The following CRYAB variants were observed in gnomAD, a reference collection of about 807,000 sequenced individuals.
CRYAB encodes the protein crystallin alpha B.
A neutral mutation model predicts 12.7 loss-of-function variants in CRYAB; 9 were observed. The observed-to-expected ratio is 0.71, with a 90% CI of 0.43 to 1.24. The LOEUF (loss-of-function observed/expected upper bound fraction) is 1.24. Among genes scored for constraint, CRYAB ranks in the 50% most tolerant of loss-of-function variants. CRYAB has a pLI of 0.00. For missense variants in CRYAB, 183 were observed against 226.6 expected (o/e 0.81, Z 1.24); for synonymous variants, 93 against 86.8 (o/e 1.07, Z -0.40).
Position 111,911,513 on chromosome 11 carries a change from G to C in CRYAB, c.201+11C>G. On this transcript the variant is annotated intron_variant, in intron 1 of 2. Transcript: ENST00000650687. ...TAAGGACTCTCCCGTCCTAGCTGTG[G>C]GGAGACTCACCTCTGAGAGTCCAGT... 6.2e-7 allele frequency: 1 copy of C among 1,604,792 alleles called. No individual in the cohort carries two copies. Among genetic ancestry groups the C allele is most frequent in the Non-Finnish European group, 8.5e-7 (1 of 1,176,216 alleles).
intron 1 of CRYAB, among the ~76,000 whole-genome samples, chr11:111,920,860 A>G (rs73560036): frequency 0.036 from 5,532 of 152,342 alleles, 336 homozygotes; most frequent in African/African-American, 0.13. Context: ...CTATGTGACC[A>G]TAGGTAATAA....
intron 2 of CRYAB, 53 bp from the exon 3 acceptor site, chr11:111,909,020 T>A (rs551393661): frequency 1.3e-6 from 2 of 1,588,158 alleles, no homozygotes; most frequent in East Asian, 2.2e-5. Flanking sequence ...GGAACTATTA[T>A]CACCTGCCCA....
In CRYAB at chr11:111,910,183, C is replaced by T. The variant is rs782101665; in HGVS notation, c.324+144G>A. The T allele has an allele frequency of 5.1e-6, 5 of 975,546 alleles. No individual in the cohort carries two copies. In the South Asian group the frequency reaches 5.3e-5, roughly 10 times the overall value. The allele number at this position is 975,546 out of a possible 1,614,324, so 60.4% of individuals were successfully genotyped here. On this transcript the variant is annotated intron_variant, in intron 2 of 2. Transcript: ENST00000650687. ...AATATGTCTATCCTAACTTAGTCTT[C>T]TAGACATTGATTTGTAACCCCTGAT...
intron 1 of CRYAB, among the ~76,000 whole-genome samples, chr11:111,921,917 T>C (rs1965706529): frequency 6.6e-6 from 1 of 152,162 alleles, no homozygotes; most frequent in Non-Finnish European, 1.5e-5. Flanking sequence ...GCTGCAACCT[T>C]AGCCTCCCAG....
At chr11:111,912,954 C>A, upstream of CRYAB, 9 of 1,465,550 alleles carry the variant, frequency 6.1e-6, no homozygotes, top group Non-Finnish European at 8.3e-6. Flanking sequence ...CCTTGCCCCC[C>A]ACCCCCACCC....
At position 111,908,852 on chromosome 11, in the gene CRYAB, C is replaced by G. The variant is rs782799100; in HGVS notation, c.440G>C (p.Gly147Ala). ...AGGGCCAGAGACCTGTTTCCTTGGT[C>G]CATTCACAGTGAGGACCCCATCAGA... ...LSSDGVLTVN[G>A]PRKQVSGPER... is the part of the protein sequence containing the mutation. The change falls in exon 3 of 3, where the codon GGA (glycine) becomes GCA (alanine). Residue 147 changes from glycine (G) to alanine (A), a missense_variant. This residue lies in a region of CRYAB where 95 missense variants were observed against 112.5 expected (regional missense o/e 0.84). Coordinates refer to ENST00000650687, the MANE Select transcript of CRYAB (RefSeq NM_001289808.2). 2 of 1,614,006 alleles carry G rather than the reference C, an allele frequency of 1.2e-6. No homozygotes were observed. The highest frequency in any genetic ancestry group is 2.2e-5 in the East Asian group (1 of 44,876).
At chr11:111,913,190 G>A (rs1329748422), upstream of CRYAB, 9 of 603,428 alleles carry the variant, frequency 1.5e-5, no homozygotes, top group East Asian at 2.5e-4. Flanking sequence ...TATCCACCCA[G>A]GCCGTTTGGT....
chr11:111,912,676 G>GCCCCCCCCCCCCCCCCCC, upstream of CRYAB: 1 of 460,736 alleles, frequency 2.2e-6, no homozygotes, highest in Non-Finnish European at 3.9e-6. Flanking sequence ...CCCACTCCCA[G>GCCCCCCCCCCCCCCCCCC]CCCCTCCCCC....
At chr11:111,923,172 G>A (rs587753372) in intron 1 of CRYAB, among the ~76,000 whole-genome samples, 73 of 152,328 alleles carry the variant, frequency 4.8e-4, no homozygotes, top group African/African-American at 1.5e-3. Flanking sequence ...GGATAAGGCT[G>A]ACTGAGCAGC....
chr11:111,910,634 C>T lies in CRYAB; in HGVS notation c.202-185G>A, dbSNP rs117627181. The T allele has an allele frequency of 7.3e-3, 5,389 of 735,986 alleles. 23 individuals carry two copies. The highest frequency in any genetic ancestry group is 0.023 in the Middle Eastern group (61 of 2,642). 45.6% of individuals were successfully genotyped at this position (735,986 alleles called of 1,614,324 possible). On this transcript the variant is annotated intron_variant, in intron 1 of 2. Coordinates refer to ENST00000650687, the MANE Select transcript of CRYAB (RefSeq NM_001289808.2). ...CTTCAGGGAGCCACCACAGTGATAC[C>T]TAAGGCTCATGGTGATCAGACCCAA...
Position 111,918,769 on chromosome 11 carries a change from C to T in CRYAB, c.-199+4934G>A, listed in dbSNP as rs114095021. ...GTTGAGATAGCTCTCACCTGGAGCC[C>T]GTGTGTTGTTCTACCCTTTGGCTGG... On this transcript the variant is annotated intron_variant, in intron 1 of 3. Coordinates refer to the CRYAB transcript ENST00000527950. 2,640 of 688,496 alleles carry T rather than the reference C, an allele frequency of 3.8e-3. 48 individuals carry two copies. The highest frequency in any genetic ancestry group is 0.038 in the African/African-American group (2,172 of 56,894). The allele number at this position is 688,496 out of a possible 1,614,324, so 42.6% of individuals were successfully genotyped here. A position where few individuals can be genotyped will look rare whatever the true frequency, so the allele number is the denominator to read the frequency against.
At chr11:111,914,014 A>C, upstream of CRYAB, 1 of 899,044 alleles carries the variant, frequency 1.1e-6, no homozygotes, top group Non-Finnish European at 1.7e-6. Flanking sequence ...ATGGTCCACA[A>C]TGTATGGTTT....
chr11:111,918,801 A>G, intron 1 of CRYAB: 1 of 727,618 alleles, frequency 1.4e-6, no homozygotes, highest in Admixed American at 2.0e-5. Context: ...CTGGGAACAC[A>G]GTCACCTGGG....
intron 1 of CRYAB, 70 bp downstream of exon 1, chr11:111,911,454 G>GA: frequency 6.6e-7 from 1 of 1,507,962 alleles, no homozygotes; most frequent in African/African-American, 1.4e-5. Context: ...GGTAGGAAAG[G>GA]AAAATGGATG....
intron 1 of CRYAB, chr11:111,918,825 G>T: frequency 1.2e-6 from 1 of 812,676 alleles, no homozygotes; most frequent in Non-Finnish European, 2.1e-6. Flanking sequence ...CATTCCAGCA[G>T]GTGGCTTCAA....
At chr11:111,913,507 C>T (rs142266981), upstream of CRYAB, 26 of 1,613,832 alleles carry the variant, frequency 1.6e-5, no homozygotes, top group Non-Finnish European at 1.8e-5. Context: ...CCTCGGGCCG[C>T]CCCAGCTGGG....
At chr11:111,910,297 G>T (rs367804865) in intron 2 of CRYAB, 30 bp downstream of exon 2, 387 of 1,613,844 alleles carry the variant, frequency 2.4e-4, no homozygotes, top group Non-Finnish European at 3.0e-4. Flanking sequence ...CTGAATGAAT[G>T]AGCAGAAAAC....
upstream of CRYAB, among the ~76,000 whole-genome samples, chr11:111,917,138 A>G (rs1242471790): frequency 6.6e-6 from 1 of 152,228 alleles, no homozygotes. Context: ...CAGTGGGATT[A>G]CAGGCATGAG....
At chr11:111,919,157 C>G (rs917935753) in intron 1 of CRYAB, 16 of 860,150 alleles carry the variant, frequency 1.9e-5, no homozygotes, top group Non-Finnish European at 2.4e-5. Context: ...CAGAGCAGCA[C>G]CTCCTTTCAG....
Sources: gnomAD v4.1 joint callset for allele counts (sites outside exome capture counted in the v4.1 genomes callset) on GRCh38, gnomAD v4.1.1 for gene constraint, gnomAD v4.1.1 regional missense constraint, MANE v1.5 for transcripts, NCBI Gene and HGNC (gene_info 2026-07-23, HGNC 2026-07-21) for gene names.